GGT7: variants seen among roughly 807,000 people sequenced by gnomAD.
GGT7 encodes glutathione hydrolase 7.
A neutral mutation model predicts 69.2 loss-of-function variants in GGT7; 30 were observed. That is an observed-to-expected ratio of 0.43 (90% CI 0.32 to 0.59). GGT7 has a LOEUF of 0.59. GGT7 is among the 20% of genes least tolerant of loss of function. The pLI is 0.05. For synonymous variants in GGT7, 388 were observed against 391.8 expected, an observed-to-expected ratio of 0.99 and a Z score of 0.12; for missense variants, 733 against 901.1, an observed-to-expected ratio of 0.81 and a Z score of 2.39.
intron 14 of GGT7, among the ~76,000 whole-genome samples, chr20:34,848,613 GT>G (rs1239010162): frequency 6.6e-6 from 1 of 152,382 alleles, no homozygotes; most frequent in African/African-American, 2.4e-5. Flanking sequence ...GGATGTGATT[GT>G]TGAAGATCGC....
chr20:34,861,485 G>A lies in GGT7; in HGVS notation c.635C>T (p.Ala212Val). 6.4e-7 allele frequency: 1 copy of A among 1,552,978 alleles called. No homozygotes were observed. The highest frequency in any genetic ancestry group is 8.8e-7 in the Non-Finnish European group (1 of 1,139,356). Residue 212 changes from alanine (A) to valine (V), a missense_variant, in exon 4 of 15, where the codon GCC (alanine) becomes GTC (valine). Ala to Val is a moderately conservative substitution (Grantham distance 64). Coordinates refer to ENST00000336431, the MANE Select transcript of GGT7 (RefSeq NM_178026.3). Reference protein sequence around the residue: ...LIDFRESAPGALREETLQRSW... With the variant: ...LIDFRESAPGVLREETLQRSW... ...TCTTTGCAGGGTCTCTTCCCTGAGG[G>A]CCCCTGGTGCGGACTCCCGGAAATC...
In GGT7 at chr20:34,859,637, G is replaced by C; in HGVS notation, c.820C>G (p.Arg274Gly). The C allele has an allele frequency of 6.3e-7, 1 of 1,590,212 alleles. No homozygotes were observed. The highest frequency in any genetic ancestry group is 8.6e-7 in the Non-Finnish European group (1 of 1,166,184). ...GGTGGCAGCTGTTCAGCCAGGGCAC[G>C]GGCTAGGGGCAGGGACGGGAGGCTG... ...DGFNVTHDLA[R>G]ALAEQLPPNM... Residue 274 changes from arginine to glycine, a missense_variant and splice_region_variant, in exon 7 of 15, where the codon CGT (arginine) becomes GGT (glycine). Physicochemically the swap from Arg to Gly is moderately radical, Grantham distance 125. Coordinates refer to ENST00000336431, the MANE Select transcript of GGT7 (RefSeq NM_178026.3).
chr20:34,845,647 T>C (rs2079292885), intron 14 of GGT7, among the ~76,000 whole-genome samples, 156 bp from the exon 15 acceptor site: 1 of 152,196 alleles, frequency 6.6e-6, no homozygotes, highest in African/African-American at 2.4e-5. Context: ...AGTTTCCTCA[T>C]GCATAAATAG....
chr20:34,856,048 C>T (rs2079486878), intron 8 of GGT7, among the ~76,000 whole-genome samples: 1 of 152,210 alleles, frequency 6.6e-6, no homozygotes, highest in Non-Finnish European at 1.5e-5. Context: ...CTGCCTCAGC[C>T]TCCCAATGTG....
intron 6 of GGT7, 36 bp downstream of exon 6, chr20:34,859,933 C>G (rs1402806324): frequency 7.2e-7 from 1 of 1,381,220 alleles, no homozygotes; most frequent in East Asian, 2.5e-5. Flanking sequence ...TCTCCATCAA[C>G]CTCATGTCTC....
chr20:34,847,829 C>T (rs538486924), intron 14 of GGT7, among the ~76,000 whole-genome samples: 6 of 152,330 alleles, frequency 3.9e-5, no homozygotes, highest in South Asian at 4.1e-4. Flanking sequence ...TGGTGGCTCA[C>T]GCCTGTAAAT....
intron 1 of GGT7, among the ~76,000 whole-genome samples, chr20:34,869,272 A>T (rs2079742386): frequency 6.6e-6 from 1 of 152,148 alleles, no homozygotes. Context: ...GGCTCAAGCC[A>T]TCTGCCCACC....
chr20:34,848,302 T>G (rs560102183), intron 14 of GGT7, among the ~76,000 whole-genome samples: 43 of 152,290 alleles, frequency 2.8e-4, no homozygotes, highest in African/African-American at 1.0e-3. Context: ...CTGTCCAGAA[T>G]GTCCTTTACC....
chr20:34,849,367 G>A (rs1169464959), intron 14 of GGT7, among the ~76,000 whole-genome samples: 3 of 150,638 alleles, frequency 2.0e-5, no homozygotes, highest in African/African-American at 7.3e-5. Context: ...GGTGGAGGGG[G>A]GTCTCACTAT....
chr20:34,846,100 G>C (rs1015845170), intron 14 of GGT7, among the ~76,000 whole-genome samples: 1 of 151,466 alleles, frequency 6.6e-6, no homozygotes, highest in Admixed American at 6.6e-5. Flanking sequence ...AAGGAAGGAA[G>C]GGAGGGAGGG....
At position 34,857,265 on chromosome 20, in the gene GGT7, C is replaced by T. The variant is rs560543929; in HGVS notation, c.1015-372G>A. Among the ~76,000 whole-genome samples the T allele has an allele frequency of 1.7e-4, 26 of 152,286 alleles. 1 individual carries two copies. Among genetic ancestry groups the T allele is most frequent in the African/African-American group, 6.0e-4 (25 of 41,552 alleles). On this transcript the variant is annotated intron_variant, in intron 7 of 14. Transcript: ENST00000336431. ...CCTGCAGTTCCTGAACTCATGCCTT[C>T]GTGTCTTTGTACCTGCTGCTCTCTC...
rs139775538 is a variant in GGT7, at chr20:34,859,445, C to T, written c.1012G>A (p.Glu338Lys). ...GGNLTLEMVA[E>K]AQHAGGVITE... ...ACCCGCACAACACGAGCACTTACCT[C>T]GGCCACCATCTCCAGTGTGAGGTTG... is the stretch of plus-strand genomic sequence containing the variant. Residue 338 changes from glutamate to lysine, a missense_variant and splice_region_variant, in exon 7 of 15, where the codon GAG becomes AAG. Glu to Lys is a moderately conservative substitution (Grantham distance 56). Transcript: ENST00000336431. The T allele has an allele frequency of 5.7e-6, 9 of 1,577,806 alleles. No homozygotes were observed. The African/African-American group carries it at 6.7e-5, about 12-fold the overall frequency.
rs757509705 is a variant in GGT7, at chr20:34,860,003, C to T, written c.783G>A (p.Val261=). ...GAGTCACGTTGAAGCCATCTTGGGC[C>T]ACAGCTGCTGCAAAGGCCAGGACTT... ...WSQVLAFAAA[V]AQDGFNVTHD... Residue 261 remains valine (V), a synonymous_variant, in exon 6 of 15, where the codon GTG becomes GTA. Coordinates refer to ENST00000336431, the MANE Select transcript of GGT7 (RefSeq NM_178026.3). The T allele has an allele frequency of 6.4e-6, 10 of 1,569,106 alleles. No homozygotes were observed. The highest frequency in any genetic ancestry group is 8.6e-6 in the Non-Finnish European group (10 of 1,156,704).
At position 34,854,896 on chromosome 20, in the gene GGT7, G is replaced by A; in HGVS notation, c.1130C>T (p.Pro377Leu). ...ACTGATGAGGGCAGGGCCCGTGTGCGGAGGTGGGGGACTAAGAACCAGGTG... is the reference window on the plus strand; with the variant it reads ...ACTGATGAGGGCAGGGCCCGTGTGCAGAGGTGGGGGACTAAGAACCAGGTG... ...RGHLVLSPPP[P>L]HTGPALISAL... The change falls in exon 9 of 15, where the codon CCG (proline) becomes CTG (leucine). Residue 377 changes from proline (P) to leucine (L), a missense_variant. By Grantham distance (98) the Pro-to-Leu change is moderately conservative. Coordinates refer to ENST00000336431, the MANE Select transcript of GGT7 (RefSeq NM_178026.3). The A allele has an allele frequency of 6.2e-7, 1 of 1,613,936 alleles. No individual in the cohort carries two copies. Among genetic ancestry groups the A allele is most frequent in the Non-Finnish European group, 8.5e-7 (1 of 1,179,928 alleles).
intron 4 of GGT7, 130 bp downstream of exon 4, chr20:34,861,315 G>A (rs769231606): frequency 8.4e-6 from 4 of 474,290 alleles, no homozygotes; most frequent in Admixed American, 6.5e-5. Context: ...CTCTCTCATA[G>A]CCTAAGAGAA....
chr20:34,857,362 C>T (rs967839726), intron 7 of GGT7, among the ~76,000 whole-genome samples: 14 of 152,174 alleles, frequency 9.2e-5, no homozygotes, highest in Non-Finnish European at 1.9e-4. Flanking sequence ...AATGCTGCAT[C>T]TCACCACAAC....
intron 10 of GGT7, among the ~76,000 whole-genome samples, chr20:34,853,390 C>A (rs1398213548): frequency 7.0e-6 from 1 of 143,430 alleles, no homozygotes; most frequent in African/African-American, 2.8e-5. Context: ...TGTTTTAGAG[C>A]AAAGTTTGCA....
chr20:34,849,628 A>C (rs537757559), intron 14 of GGT7, among the ~76,000 whole-genome samples: 48 of 152,310 alleles, frequency 3.2e-4, no homozygotes, highest in Middle Eastern at 3.4e-3. Flanking sequence ...TAAATGCAGA[A>C]TCCCCAGCAC....
chr20:34,851,171 G>T, intron 13 of GGT7, 60 bp downstream of exon 13: 1 of 1,589,592 alleles, frequency 6.3e-7, no homozygotes, highest in Non-Finnish European at 8.6e-7. Flanking sequence ...ACAGGCATCT[G>T]CAGTCTAGGC....
Sources: gnomAD v4.1 joint callset for allele counts (sites outside exome capture counted in the v4.1 genomes callset) on GRCh38, gnomAD v4.1.1 for gene constraint, MANE v1.5 for transcripts, NCBI Gene and HGNC (gene_info 2026-07-23, HGNC 2026-07-21) for gene names.